TRPM5: variants seen among roughly 807,000 people sequenced by gnomAD.
TRPM5 encodes the protein MLSN1 and TRP-related.
A neutral mutation model predicts 124.9 loss-of-function variants in TRPM5; 121 were observed. That is an observed-to-expected ratio of 0.97 (90% CI 0.84 to 1.13). The LOEUF is 1.13. Among genes scored for constraint, TRPM5 ranks in the 50% most tolerant of loss-of-function variants. The pLI is 0.00. For synonymous variants in TRPM5, 781 were observed against 700.5 expected, an observed-to-expected ratio of 1.11 and a Z score of -1.81; for missense variants, 1,643 against 1,589.1, an observed-to-expected ratio of 1.03 and a Z score of -0.58.
At chr11:2,438,902 G>A in the TRPM5 span, among the ~76,000 whole-genome samples, 11 of 152,134 alleles carry the variant, frequency 7.2e-5, no homozygotes, top group African/African-American at 2.4e-4. This position sits in a 1 kb window ranked among gnomAD's most constrained non-coding sequence, Gnocchi z 5.9. Flanking sequence ...AAAGCCAGAG[G>A]CATCACATTA....
At chr11:2,428,579 T>C in the TRPM5 span, among the ~76,000 whole-genome samples, 2 of 151,596 alleles carry the variant, frequency 1.3e-5, no homozygotes, top group Non-Finnish European at 2.9e-5. The surrounding 1 kb of genome is among the most constrained non-coding windows in gnomAD (Gnocchi z 4.0). Context: ...GCGGTGGTGG[T>C]GATGGTGGTG....
At chr11:2,432,735 G>A in the TRPM5 span, among the ~76,000 whole-genome samples, 407 of 152,358 alleles carry the variant, frequency 2.7e-3, 5 homozygotes, top group African/African-American at 9.2e-3. Context: ...AGTAGGGCCC[G>A]CTGGCCCAGG....
At chr11:2,422,173 C>T (rs768247906) in exon 2 of TRPM5, 25 of 1,611,404 alleles carry the variant, frequency 1.6e-5, no homozygotes, top group Non-Finnish European at 2.0e-5. Flanking sequence ...CAGCCCCTTG[C>T]GCAGCACATC....
chr11:2,414,658 C>A, intron 11 of TRPM5, 57 bp downstream of exon 16: 2 of 1,479,608 alleles, frequency 1.4e-6, no homozygotes, highest in Non-Finnish European at 1.8e-6. Context: ...CTTCGTCCGA[C>A]CCCTCCGTCA....
At position 2,407,345 on chromosome 11, in the gene TRPM5, C is replaced by T. The variant is rs756665554; in HGVS notation, c.2937-45G>A. On this transcript the variant is annotated intron_variant, in intron 19 of 23. Coordinates refer to ENST00000155858, the Ensembl canonical transcript of TRPM5. The stretch of plus-strand genomic sequence containing the variant: ...CCGTCACCTACCGGCTCCCCACGAC[C>T]ACTTGGGGGACGCATCCCCCTGCAC... 5.8e-6 allele frequency: 9 copies of T among 1,556,384 alleles called. No homozygotes were observed. In the South Asian group the frequency reaches 1.1e-4, roughly 18 times the overall value.
chr11:2,438,377 G>C, the TRPM5 span, among the ~76,000 whole-genome samples: 1 of 152,178 alleles, frequency 6.6e-6, no homozygotes, highest in East Asian at 1.9e-4. The surrounding 1 kb of genome is among the most constrained non-coding windows in gnomAD (Gnocchi z 5.9). Flanking sequence ...ACTCCTGAAA[G>C]AAATTGGCTG....
chr11:2,411,444 G>T, exon 18 of TRPM5: 1 of 1,612,338 alleles, frequency 6.2e-7, no homozygotes, highest in Non-Finnish European at 8.5e-7. Flanking sequence ...GCCGTCATGG[G>T]GGTGCAGCAG....
chr11:2,405,060 C>G lies in TRPM5; in HGVS notation c.3392-17G>C, dbSNP rs775250827. 1.2e-6 allele frequency: 2 copies of G among 1,604,886 alleles called. No homozygotes were observed. The highest frequency in any genetic ancestry group is 2.2e-5 in the South Asian group (2 of 90,564). On this transcript the variant is annotated splice_polypyrimidine_tract_variant and intron_variant, in intron 23 of 23. Coordinates refer to ENST00000155858, the Ensembl canonical transcript of TRPM5. ...GCTGAGAGCCTGCTGGGAAGGAAGG[C>G]CCCCCTGAGCGGTGGGAACCAGCAA...
At chr11:2,438,621 T>C in the TRPM5 span, among the ~76,000 whole-genome samples, 9 of 152,212 alleles carry the variant, frequency 5.9e-5, no homozygotes, top group Admixed American at 3.9e-4. The surrounding 1 kb of genome is among the most constrained non-coding windows in gnomAD (Gnocchi z 5.9). Flanking sequence ...GAACCAGGAC[T>C]GTGTCACTGC....
the TRPM5 span, among the ~76,000 whole-genome samples, chr11:2,436,148 C>T: frequency 6.6e-6 from 1 of 152,210 alleles, no homozygotes; most frequent in African/African-American, 2.4e-5. Context: ...GCTGAGTCAT[C>T]CCACCTCCTC....
At chr11:2,417,706 G>GGCCCCCCCCCCCCCCCCCCC in intron 7 of TRPM5, 21 bp downstream of exon 12, 1 of 1,087,302 alleles carries the variant, frequency 9.2e-7, no homozygotes, top group Non-Finnish European at 1.4e-6. Flanking sequence ...CGCCTGCCTT[G>GGCCCCCCCCCCCCCCCCCCC]CCCACCCTGC....
intron 2 of TRPM5, among the ~76,000 whole-genome samples, 195 bp downstream of exon 7, chr11:2,421,946 C>T (rs998752674): frequency 2.1e-5 from 3 of 145,124 alleles, no homozygotes; most frequent in South Asian, 2.3e-4. Flanking sequence ...GAAATGTTCT[C>T]GTGATGGCCT....
chr11:2,419,202 A>G (rs907931887), intron 4 of TRPM5, among the ~76,000 whole-genome samples: 7 of 152,198 alleles, frequency 4.6e-5, no homozygotes, highest in Non-Finnish European at 8.8e-5. Context: ...TCTGGAGGAT[A>G]AATCAGGCCT....
chr11:2,406,935 T>C, intron 20 of TRPM5, 142 bp from the exon 26 acceptor site: 2 of 1,380,064 alleles, frequency 1.4e-6, no homozygotes, highest in Middle Eastern at 2.2e-4. Flanking sequence ...CATGGCCCTG[T>C]GCAAGGACGG....
chr11:2,420,640 A>G (rs1001696501), intron 3 of TRPM5, among the ~76,000 whole-genome samples: 2 of 152,188 alleles, frequency 1.3e-5, no homozygotes, highest in African/African-American at 4.8e-5. Context: ...TCTTTTAGAC[A>G]GAACCATGGA....
At chr11:2,412,338 A>AGGATCAGGGTTCAGCGTGCTATGG in intron 15 of TRPM5, 85 bp from the exon 21 acceptor site, 1 of 1,018,566 alleles carries the variant, frequency 9.8e-7, no homozygotes. Flanking sequence ...TGGATCTGTA[A>AGGATCAGGGTTCAGCGTGCTATGG]GGATCAGGGT....
At chr11:2,421,166 C>A in exon 3 of TRPM5, 1 of 1,541,410 alleles carries the variant, frequency 6.5e-7, no homozygotes, top group Non-Finnish European at 8.7e-7. Context: ...CTGGCCAGGC[C>A]CACGCGGAGG....
At chr11:2,421,385 G>A (rs1845770378) in intron 2 of TRPM5, among the ~76,000 whole-genome samples, 187 bp from the exon 8 acceptor site, 1 of 152,244 alleles carries the variant, frequency 6.6e-6, no homozygotes, top group Admixed American at 6.5e-5. Flanking sequence ...ACCCAAGGCT[G>A]CTCAGCAGCA....
intron 13 of TRPM5, 36 bp downstream of exon 18, chr11:2,413,440 C>T: frequency 1.3e-6 from 2 of 1,567,560 alleles, no homozygotes; most frequent in Non-Finnish European, 1.7e-6. Flanking sequence ...CGCACTGCTG[C>T]CTGTCCTGGC....
Sources: gnomAD v4.1 joint callset for allele counts (sites outside exome capture counted in the v4.1 genomes callset) on GRCh38, gnomAD v4.1.1 for gene constraint, Gnocchi (gnomAD v3.1) non-coding constraint, MANE v1.5 for transcripts, NCBI Gene and HGNC (gene_info 2026-07-23, HGNC 2026-07-21) for gene names.